HDAC9: variants seen among roughly 807,000 people sequenced by gnomAD.
HDAC9 encodes MEF-2 interacting transcription repressor (MITR) protein.
In HDAC9, 41 loss-of-function variants were observed where a neutral mutation model predicts 139.4. The observed-to-expected ratio is 0.29, with a 90% CI of 0.23 to 0.38. The LOEUF (loss-of-function observed/expected upper bound fraction) is 0.38, where lower values mean the gene tolerates loss of function less well. Among genes scored for constraint, HDAC9 ranks in the 10% least tolerant of loss-of-function variants. The probability of loss-of-function intolerance (pLI) is 1.00; values close to 1 mark genes in which losing one functional copy is unlikely to be tolerated. For synonymous variants in HDAC9, 517 were observed against 476.2 expected, an observed-to-expected ratio of 1.09 and a Z score of -1.12; for missense variants, 1,147 against 1,297.0, an observed-to-expected ratio of 0.88 and a Z score of 1.78.
At chr7:18,358,262 A>G (rs78978643) in intron 1 of HDAC9, among the ~76,000 whole-genome samples, 2,712 of 152,330 alleles carry the variant, frequency 0.018, 81 homozygotes, top group African/African-American at 0.062. Flanking sequence ...TGCTCTTGCA[A>G]CTGAGTTTCA....
intron 14 of HDAC9, among the ~76,000 whole-genome samples, chr7:18,761,700 C>T (rs112508089): frequency 0.013 from 1,971 of 152,152 alleles, 33 homozygotes; most frequent in African/African-American, 0.04. Flanking sequence ...AAGTCATTAG[C>T]GTATCTGTGA....
intron 2 of HDAC9, among the ~76,000 whole-genome samples, chr7:18,178,091 C>G (rs904857596): frequency 6.6e-6 from 1 of 151,322 alleles, no homozygotes; most frequent in Non-Finnish European, 1.5e-5. Flanking sequence ...CCCTCCCCTC[C>G]CCTCTCCTCT....
intron 1 of HDAC9, among the ~76,000 whole-genome samples, chr7:18,105,981 G>A (rs1014716704): frequency 1.3e-5 from 2 of 152,124 alleles, no homozygotes; most frequent in African/African-American, 4.8e-5. Context: ...GACTTACAAG[G>A]CCACATGCTA....
At chr7:18,568,845 C>T (rs534787833) in intron 2 of HDAC9, among the ~76,000 whole-genome samples, 263 of 151,998 alleles carry the variant, frequency 1.7e-3, no homozygotes, top group African/African-American at 6.1e-3. Flanking sequence ...GTTGGGAGTT[C>T]GAGACCAGCC....
At chr7:18,828,209 G>T (rs1295677072) in intron 17 of HDAC9, among the ~76,000 whole-genome samples, 1 of 152,112 alleles carries the variant, frequency 6.6e-6, no homozygotes. Flanking sequence ...AAAAGTCTTT[G>T]GGGTAGGTTG....
At chr7:18,608,673 G>C (rs1199379141) in intron 6 of HDAC9, among the ~76,000 whole-genome samples, 2 of 152,078 alleles carry the variant, frequency 1.3e-5, no homozygotes, top group Admixed American at 6.6e-5. Context: ...CCAATTAGAT[G>C]ATAAAAATAT....
At chr7:18,698,039 ATG>A (rs1009102569) in intron 12 of HDAC9, among the ~76,000 whole-genome samples, 5 of 152,178 alleles carry the variant, frequency 3.3e-5, no homozygotes, top group African/African-American at 1.2e-4. Flanking sequence ...AACAAAAATT[ATG>A]TGATTATGAG....
chr7:18,936,942 A>T (rs1585353868), intron 23 of HDAC9, among the ~76,000 whole-genome samples: 1 of 151,812 alleles, frequency 6.6e-6, no homozygotes, highest in Admixed American at 6.6e-5. Context: ...TTTTTCATAT[A>T]TATTGAAGTA....
intron 1 of HDAC9, among the ~76,000 whole-genome samples, chr7:18,098,486 G>A (rs1460518812): frequency 6.6e-6 from 1 of 152,178 alleles, no homozygotes; most frequent in Non-Finnish European, 1.5e-5. Context: ...GGCAGAATTT[G>A]AATGCACAGA....
chr7:18,921,132 A>G (rs1043391562), intron 22 of HDAC9, among the ~76,000 whole-genome samples: 3 of 152,178 alleles, frequency 2.0e-5, no homozygotes, highest in African/African-American at 7.2e-5. Flanking sequence ...TAAAAACCGT[A>G]GAAGAAAACC....
chr7:18,375,658 A>G (rs1253914026), intron 1 of HDAC9, among the ~76,000 whole-genome samples: 1 of 152,056 alleles, frequency 6.6e-6, no homozygotes, highest in Admixed American at 6.5e-5. Flanking sequence ...GTGTGCTCTC[A>G]TTTTTAGTAA....
intron 1 of HDAC9, among the ~76,000 whole-genome samples, chr7:18,125,156 C>T (rs1784579119): frequency 1.3e-5 from 2 of 152,076 alleles, no homozygotes; most frequent in African/African-American, 4.8e-5. Context: ...AGAACAGCTG[C>T]AGCAGTCCTG....
intron 13 of HDAC9, among the ~76,000 whole-genome samples, chr7:18,744,773 A>G (rs1787785464): frequency 6.6e-6 from 1 of 152,188 alleles, no homozygotes; most frequent in Non-Finnish European, 1.5e-5. Flanking sequence ...ATCTCATTTA[A>G]TAAGACTGAG....
chr7:18,683,741 T>C (rs1782055174), intron 12 of HDAC9, among the ~76,000 whole-genome samples: 1 of 152,098 alleles, frequency 6.6e-6, no homozygotes, highest in Non-Finnish European at 1.5e-5. Context: ...CAGAAACCAA[T>C]CTTTACATTG....
chr7:18,309,120 T>C (rs1799127610), intron 1 of HDAC9, among the ~76,000 whole-genome samples: 1 of 152,162 alleles, frequency 6.6e-6, no homozygotes, highest in South Asian at 2.1e-4. Flanking sequence ...ACCAGAAGTA[T>C]TGTAAAGCTG....
At chr7:18,466,803 C>A (rs1372548638) in intron 1 of HDAC9, among the ~76,000 whole-genome samples, 1 of 152,174 alleles carries the variant, frequency 6.6e-6, no homozygotes, top group East Asian at 1.9e-4. Flanking sequence ...ATTCTGCCTG[C>A]CACAATCTGT....
rs145075402 is a variant in HDAC9, at chr7:18,746,223, T to A, written c.1910-2782T>A. On this transcript the variant is annotated intron_variant, in intron 13 of 25. Transcript: ENST00000686413. ...TGTTATACTTTTTGTTTCCATGTTA[T>A]TAAACTATCACTTTTTATTTTATGA... Among the ~76,000 whole-genome samples, 7 of 152,364 alleles carry A rather than the reference T, an allele frequency of 4.6e-5. No homozygotes were observed. In the East Asian group the frequency reaches 1.3e-3, roughly 29 times the overall value.
intron 2 of HDAC9, among the ~76,000 whole-genome samples, chr7:18,247,552 A>G (rs1391276021): frequency 6.6e-6 from 1 of 152,108 alleles, no homozygotes; most frequent in Admixed American, 6.6e-5. Flanking sequence ...AGAATTGGGA[A>G]CAGTGAGTAG....
chr7:18,564,958 A>ATTTT (rs1335329510), intron 2 of HDAC9, among the ~76,000 whole-genome samples: 3 of 130,234 alleles, frequency 2.3e-5, no homozygotes, highest in Non-Finnish European at 4.8e-5. Context: ...AAATAAATGT[A>ATTTT]TTTTATTTAT....
Sources: allele counts gnomAD v4.1 joint callset (sites outside exome capture counted in the v4.1 genomes callset), GRCh38; gene constraint gnomAD v4.1.1; transcripts MANE v1.5; gene names NCBI Gene and HGNC (gene_info 2026-07-23, HGNC 2026-07-21).